The following RPS13 variants were observed in gnomAD, a reference collection of about 807,000 sequenced individuals.
RPS13 encodes the protein small ribosomal subunit protein uS15.
Under a neutral mutation model 24.6 loss-of-function variants are expected in RPS13, and 1 was observed. The ratio of observed to expected loss-of-function variants is 0.04; its 90% confidence interval spans 0.01 to 0.19. RPS13 has a LOEUF of 0.19. RPS13 is among the 10% of genes least tolerant of loss of function. RPS13 has a pLI of 1.00. For synonymous variants in RPS13, 69 were observed against 65.3 expected (o/e 1.06, Z -0.27); for missense variants, 88 against 187.4 (o/e 0.47, Z 3.10).
chr11:17,075,436 TTTTA>T lies in RPS13; in HGVS notation c.321+14_321+17del, dbSNP rs1406480844. ...ACAAGCAGTCCTACTTAGCACCAGG[TTTTA>T]TTTATTAGCTTACCTTTCTGTTCCT... On this transcript the variant is annotated intron_variant, in intron 4 of 5. Transcript: ENST00000525634. 7.8e-6 allele frequency: 12 copies of T among 1,536,046 alleles called. No homozygotes were observed. In the African/African-American group the frequency reaches 8.3e-5, roughly 11 times the overall value.
chr11:17,077,309 TCTCTCCTTCCGCAAAAC>T, intron 2 of RPS13, 63 bp from the exon 3 acceptor site: 1 of 1,574,584 alleles, frequency 6.4e-7, no homozygotes, highest in Admixed American at 1.7e-5. Context: ...AGAACAGCGG[TCTCTCCTTCCGCAAAAC>T]CGCGCTCCTC....
intron 5 of RPS13, 47 bp from the exon 6 acceptor site, chr11:17,074,513 G>C: frequency 1.5e-6 from 2 of 1,339,410 alleles, no homozygotes; most frequent in East Asian, 2.3e-5. Flanking sequence ...ATTAATACTA[G>C]TCCCTCCACA....
At position 17,077,206 on chromosome 11, in the gene RPS13, T is replaced by G. The variant is rs752567885; in HGVS notation, c.113A>C (p.Tyr38Ser). 7.4e-6 allele frequency: 12 copies of G among 1,614,046 alleles called. No homozygotes were observed. Among genetic ancestry groups the G allele is most frequent in the Admixed American group, 1.7e-5 (1 of 60,000 alleles). ...AGTAAGGCCCTTCTTGGCCAGTTTG[T>G]AAATCTGCTCCTTCACGTCGTCAGA... ...LTSDDVKEQI[Y>S]KLAKKGLTPS... The change falls in exon 3 of 6, where the codon TAC becomes TCC. Residue 38 changes from tyrosine (Y) to serine (S), a missense_variant. By Grantham distance (144) the Tyr-to-Ser change is moderately radical. Coordinates refer to ENST00000525634, the MANE Select transcript of RPS13 (RefSeq NM_001017.3).
At chr11:17,075,274 T>G (rs56874836) in intron 4 of RPS13, 77 bp from the exon 5 acceptor site, 8 of 1,119,888 alleles carry the variant, frequency 7.1e-6, no homozygotes, top group Middle Eastern at 4.1e-4. Context: ...TAAGAGAATG[T>G]AGAGCTACCA....
At chr11:17,077,579 A>AC (rs572628097) in intron 1 of RPS13, 40 bp downstream of exon 1, 7 of 487,440 alleles carry the variant, frequency 1.4e-5, no homozygotes, top group African/African-American at 2.8e-5. Context: ...TCTTCCTCCC[A>AC]CCCCCCGCCC....
chr11:17,077,351 C>G, intron 2 of RPS13, 78 bp downstream of exon 2: 2 of 1,583,854 alleles, frequency 1.3e-6, no homozygotes, highest in Non-Finnish European at 1.7e-6. Context: ...ACGCAAGTTC[C>G]TCACCCTGGC....
chr11:17,077,199 C>T lies in RPS13; in HGVS notation c.120G>A (p.Leu40=), dbSNP rs1848035393. The T allele has an allele frequency of 1.2e-6, 2 of 1,613,912 alleles. No homozygotes were observed. Among genetic ancestry groups the T allele is most frequent in the South Asian group, 2.2e-5 (2 of 91,072 alleles). ...GTGAAGGAGTAAGGCCCTTCTTGGC[C>T]AGTTTGTAAATCTGCTCCTTCACGT... ...SDDVKEQIYK[L]AKKGLTPSQI... is the part of the protein sequence containing the mutation. Residue 40 remains leucine, a synonymous_variant, in exon 3 of 6, where the codon CTG becomes CTA. Transcript: ENST00000525634.
chr11:17,077,104 C>G, intron 3 of RPS13, 64 bp downstream of exon 3: 1 of 1,229,704 alleles, frequency 8.1e-7, no homozygotes, highest in Non-Finnish European at 1.2e-6. Flanking sequence ...ACTTTACCAC[C>G]TACTAGATCC....
At chr11:17,077,572 T>TGGGGGGGGGGGGGGGGGGGGGGG in intron 1 of RPS13, 47 bp downstream of exon 1, 10 of 1,592,310 alleles carry the variant, frequency 6.3e-6, no homozygotes, top group Non-Finnish European at 6.9e-6. Flanking sequence ...CTCCCTGTCT[T>TGGGGGGGGGGGGGGGGGGGGGGG]CCTCCCACCC....
rs1382988328 is a variant in RPS13, at chr11:17,077,664, A to C, written c.-23T>G. ...CATGATGGCGGCGATCAGGCAACGAAAGGAGAGCGAGAGTGGAAACGCCGC... is the reference window on the plus strand; with the variant it reads ...CATGATGGCGGCGATCAGGCAACGACAGGAGAGCGAGAGTGGAAACGCCGC... On this transcript the variant is annotated 5_prime_UTR_variant, in exon 1 of 6. Coordinates refer to ENST00000525634, the MANE Select transcript of RPS13 (RefSeq NM_001017.3). 6.2e-7 allele frequency: 1 copy of C among 1,602,598 alleles called. No individual in the cohort carries two copies. Among genetic ancestry groups the C allele is most frequent in the South Asian group, 1.1e-5 (1 of 90,902 alleles).
rs536347333 is a variant in RPS13 at position 17,077,181 on chromosome 11, A to G, written c.138T>C (p.Thr46=). ...ACAAACACTCACCGATCTGTGAAGG[A>G]GTAAGGCCCTTCTTGGCCAGTTTGT... ...QIYKLAKKGL[T]PSQIGVILRD... is the part of the protein sequence containing the mutation. Residue 46 remains threonine (T), a synonymous_variant, in exon 3 of 6, where the codon ACT becomes ACC. Coordinates refer to ENST00000525634, the MANE Select transcript of RPS13 (RefSeq NM_001017.3). 16 of 1,612,884 alleles carry G rather than the reference A, an allele frequency of 9.9e-6. No homozygotes were observed. The African/African-American group carries it at 1.9e-4, about 19-fold the overall frequency.
At chr11:17,077,516 G>A (rs972572814) in intron 1 of RPS13, 39 bp from the exon 2 acceptor site, 14 of 1,613,606 alleles carry the variant, frequency 8.7e-6, no homozygotes, top group Non-Finnish European at 9.3e-6. Flanking sequence ...GTGGCGGCTA[G>A]TGCCAGAGCA....
intron 5 of RPS13, chr11:17,074,677 C>T (rs1847998444): frequency 1.4e-6 from 1 of 706,202 alleles, no homozygotes; most frequent in African/African-American, 1.7e-5. Flanking sequence ...CAAGGAAGAA[C>T]TGGCCAACAT....
At chr11:17,076,434 T>C in intron 3 of RPS13, 1 of 301,762 alleles carries the variant, frequency 3.3e-6, no homozygotes. Context: ...CGGGCGCCTG[T>C]AATCCCACCT....
At chr11:17,075,007 GC>G (rs1048841539) in intron 5 of RPS13, 89 bp downstream of exon 5, 3 of 853,708 alleles carry the variant, frequency 3.5e-6, no homozygotes, top group Non-Finnish European at 5.7e-6. Flanking sequence ...TTTACTACTA[GC>G]CCCCAAGGCT....
intron 3 of RPS13, chr11:17,076,886 C>CCTCCACTTG (rs1848031809): frequency 1.2e-5 from 6 of 507,212 alleles, no homozygotes; most frequent in Admixed American, 3.3e-5. Context: ...AATTCCAACT[C>CCTCCACTTG]CTCCACTTGA....
In RPS13 at chr11:17,077,463, T is replaced by C. The variant is rs778376279; in HGVS notation, c.38A>G (p.Gln13Arg). ...RMHAPGKGLS[Q>R]SALPYRRSVP... The stretch of plus-strand genomic sequence containing the variant: ...GCTGCGTCGATAGGGTAAAGCCGAC[T>C]GGGACAGGCCCTTCCTGGGGAGAGA... The change falls in exon 2 of 6, where the codon CAG becomes CGG. Residue 13 changes from glutamine to arginine, a missense_variant. By Grantham distance (43) the Gln-to-Arg change is conservative (BLOSUM62 1). Transcript: ENST00000525634. The C allele has an allele frequency of 2.5e-6, 4 of 1,613,526 alleles. No homozygotes were observed. Among genetic ancestry groups the C allele is most frequent in the South Asian group, 1.1e-5 (1 of 91,050 alleles).
chr11:17,076,159 A>G (rs1848023115), intron 3 of RPS13: 2 of 225,522 alleles, frequency 8.9e-6, no homozygotes, highest in Admixed American at 1.1e-4. Context: ...AGGCCGAGGC[A>G]GTGGATCATC....
At chr11:17,075,370 A>C (rs1848010458) in intron 4 of RPS13, 84 bp downstream of exon 4, 1 of 1,173,774 alleles carries the variant, frequency 8.5e-7, no homozygotes, top group Admixed American at 2.4e-5. Flanking sequence ...GCCTTGGATA[A>C]TTCAAACCAG....
Sources: gnomAD v4.1 joint callset for allele counts on GRCh38, gnomAD v4.1.1 for gene constraint, MANE v1.5 for transcripts, NCBI Gene and HGNC (gene_info 2026-07-23, HGNC 2026-07-21) for gene names.